CRNN: variants seen among roughly 807,000 people sequenced by gnomAD.
CRNN encodes 53 kDa putative calcium-binding protein.
In CRNN, 39 loss-of-function variants were observed where a neutral mutation model predicts 44.7. The ratio of observed to expected loss-of-function variants is 0.87; its 90% CI spans 0.68 to 1.14. The LOEUF (loss-of-function observed/expected upper bound fraction) is 1.14, where lower values mean the gene tolerates loss of function less well. Ranked by LOEUF, CRNN falls within the 50% of genes most tolerant of loss-of-function variation. CRNN has a pLI of 0.00. For missense variants in CRNN, 606 were observed against 605.1 expected (o/e 1.00, Z -0.02); for synonymous variants, 240 against 231.8 (o/e 1.04, Z -0.32).
rs147531789 is a variant in CRNN, at chr1:152,410,372, C to G, written c.710G>C (p.Gly237Ala). 3.1e-6 allele frequency: 5 copies of G among 1,613,952 alleles called. No individual in the cohort carries two copies. Among genetic ancestry groups the G allele is most frequent in the Non-Finnish European group, 4.2e-6 (5 of 1,180,016 alleles). The part of the protein sequence containing the change: ...VTGSGTQTQA[G>A]ATQTVEQDSS... Reference sequence around the variant, plus strand: ...GTCCTGCTCCACAGTCTGGGTGGCACCTGCCTGGGTCTGAGTTCCAGATCC... The same window carrying G: ...GTCCTGCTCCACAGTCTGGGTGGCAGCTGCCTGGGTCTGAGTTCCAGATCC... The change falls in exon 3 of 3, where the codon GGT (glycine) becomes GCT (alanine). Residue 237 changes from glycine (G) to alanine (A), a missense_variant. Gly to Ala is a moderately conservative substitution (Grantham distance 60, BLOSUM62 0). Coordinates refer to ENST00000271835, the MANE Select transcript of CRNN (RefSeq NM_016190.3).
chr1:152,412,750 T>C (rs570113471), intron 1 of CRNN, among the ~76,000 whole-genome samples: 1 of 152,278 alleles, frequency 6.6e-6, no homozygotes, highest in East Asian at 1.9e-4. Flanking sequence ...TTTTTATAGG[T>C]GAGGAAACAG....
At chr1:152,411,569 T>G (rs1191049746) in intron 2 of CRNN, among the ~76,000 whole-genome samples, 1 of 152,034 alleles carries the variant, frequency 6.6e-6, no homozygotes, top group Non-Finnish European at 1.5e-5. Flanking sequence ...GTTTGCCAGG[T>G]GGGGTGGGGT....
At position 152,410,934 on chromosome 1, in the gene CRNN, C is replaced by G. The variant is rs187547075; in HGVS notation, c.148G>C (p.Asp50His). The change falls in exon 3 of 3, where the codon GAT becomes CAT. Residue 50 changes from aspartate to histidine, a missense_variant. Coordinates refer to ENST00000271835, the MANE Select transcript of CRNN (RefSeq NM_016190.3). ...EFADVIVKPHDPATVDEVLRL... is the reference protein window; with the variant it reads ...EFADVIVKPHHPATVDEVLRL... Reference sequence around the variant, plus strand: ...AGGACCTCATCCACAGTTGCTGGATCGTGGGGTTTCTGAGGAGAAGATGAG... The same window carrying G: ...AGGACCTCATCCACAGTTGCTGGATGGTGGGGTTTCTGAGGAGAAGATGAG... 13 of 1,605,906 alleles carry G rather than the reference C, an allele frequency of 8.1e-6. No individual in the cohort carries two copies. In the East Asian group the frequency reaches 1.6e-4, roughly 19 times the overall value.
chr1:152,412,216 T>C lies in CRNN; in HGVS notation c.18A>G (p.Gln6=). MPQLL[Q]NINGIIEAFR... The stretch of plus-strand genomic sequence containing the variant: ...AGGCCTCGATGATCCCATTAATGTT[T>C]TGCAGTAACTGAGGCATCTTTGAAG... Residue 6 remains glutamine (Q), a synonymous_variant, in exon 2 of 3, where the codon CAA becomes CAG. Transcript: ENST00000271835. 1 of 1,610,246 alleles carries C rather than the reference T, an allele frequency of 6.2e-7. No homozygotes were observed. Among genetic ancestry groups the C allele is most frequent in the Non-Finnish European group, 8.5e-7 (1 of 1,176,818 alleles).
chr1:152,411,830 G>A (rs1655775657), intron 2 of CRNN, among the ~76,000 whole-genome samples: 1 of 152,158 alleles, frequency 6.6e-6, no homozygotes. Context: ...GCTCCTGTCT[G>A]AGTTGTCCTT....
chr1:152,409,452 A>C lies in CRNN; in HGVS notation c.*142T>G. The C allele has an allele frequency of 7.1e-7, 1 of 1,414,660 alleles. No individual in the cohort carries two copies. The highest frequency in any genetic ancestry group is 2.7e-5 in the Admixed American group (1 of 36,696). 87.6% of individuals were successfully genotyped at this position (1,414,660 alleles called of 1,614,324 possible). On this transcript the variant is annotated 3_prime_UTR_variant, in exon 3 of 3. Transcript: ENST00000271835. ...GGATAGAAAGCTCCTTGCAGAAATTATCTCATTGAGAAAGACCTAAAAGGG... is the reference window on the plus strand; with the variant it reads ...GGATAGAAAGCTCCTTGCAGAAATTCTCTCATTGAGAAAGACCTAAAAGGG...
intron 2 of CRNN, 112 bp from the exon 3 acceptor site, chr1:152,411,055 T>C: frequency 3.4e-6 from 5 of 1,454,436 alleles, no homozygotes; most frequent in Non-Finnish European, 4.5e-6. Flanking sequence ...TACACACACA[T>C]ACGGCTAGAG....
intron 2 of CRNN, 29 bp downstream of exon 2, chr1:152,412,067 C>G (rs774747893): frequency 6.3e-7 from 1 of 1,577,314 alleles, no homozygotes; most frequent in Admixed American, 1.7e-5. Flanking sequence ...CTGCTATGTC[C>G]CCTCTCCACC....
In CRNN at chr1:152,409,601, T is replaced by C. The variant is rs752173632; in HGVS notation, c.1481A>G (p.Lys494Arg). Reference protein sequence around the residue: ...RELYSYLRSTKP With the variant: ...RELYSYLRSTRP ...ACATTGGAGTCGGGGAAGTCATGGC[T>C]TGGTGCTTCTCAAGTAGGAATACAG... Residue 494 changes from lysine (K) to arginine (R), a missense_variant, in exon 3 of 3, where the codon AAG becomes AGG. Transcript: ENST00000271835. 1.2e-6 allele frequency: 2 copies of C among 1,608,774 alleles called. No homozygotes were observed. Among genetic ancestry groups the C allele is most frequent in the South Asian group, 2.2e-5 (2 of 89,744 alleles).
At position 152,409,982 on chromosome 1, in the gene CRNN, C is replaced by T. The variant is rs1329154627; in HGVS notation, c.1100G>A (p.Ser367Asn). 2 of 1,614,042 alleles carry T rather than the reference C, an allele frequency of 1.2e-6. No homozygotes were observed. Among genetic ancestry groups the T allele is most frequent in the Non-Finnish European group, 8.5e-7 (1 of 1,180,044 alleles). ...TCCCTGTTCTCTAGCCCCTCCGTGGCTTACAGTTTGGCTTCTGTCCTGCTC... is the reference window on the plus strand; with the variant it reads ...TCCCTGTTCTCTAGCCCCTCCGTGGTTTACAGTTTGGCTTCTGTCCTGCTC... The part of the protein sequence containing the change: ...TVEQDRSQTV[S>N]HGGAREQGQT... Residue 367 changes from serine (S) to asparagine (N), a missense_variant, in exon 3 of 3, where the codon AGC becomes AAC. Physicochemically the swap from Ser to Asn is conservative, Grantham distance 46. Transcript: ENST00000271835.
chr1:152,411,599 C>T (rs1570966694), intron 2 of CRNN, among the ~76,000 whole-genome samples: 1 of 152,156 alleles, frequency 6.6e-6, no homozygotes, highest in African/African-American at 2.4e-5. Flanking sequence ...AAGTCTCCCC[C>T]TAGCTATTAA....
At position 152,412,213 on chromosome 1, in the gene CRNN, G is replaced by GT; in HGVS notation, c.20dup (p.Asn7LysfsTer3). 6.2e-7 allele frequency: 1 copy of GT among 1,610,668 alleles called. No homozygotes were observed. The highest frequency in any genetic ancestry group is 8.5e-7 in the Non-Finnish European group (1 of 1,177,164). The stretch of plus-strand genomic sequence containing the variant: ...TGAAGGCCTCGATGATCCCATTAAT[G>GT]TTTTGCAGTAACTGAGGCATCTTTG... On this transcript the variant is annotated frameshift_variant, in exon 2 of 3. Transcript: ENST00000271835. LOFTEE classifies it high-confidence loss of function.
In CRNN at chr1:152,409,532, C is replaced by A; in HGVS notation, c.*62G>T. On this transcript the variant is annotated 3_prime_UTR_variant, in exon 3 of 3. Coordinates refer to ENST00000271835, the MANE Select transcript of CRNN (RefSeq NM_016190.3). ...GGATGCACCCACTGGATTGGCCATG[C>A]AGGACAAGCCAAACTCTCTCCAGCT... 1 of 1,553,448 alleles carries A rather than the reference C, an allele frequency of 6.4e-7. No individual in the cohort carries two copies. Among genetic ancestry groups the A allele is most frequent in the South Asian group, 1.3e-5 (1 of 79,684 alleles).
chr1:152,412,137 G>A lies in CRNN; in HGVS notation c.97C>T (p.Leu33=). ...GNCTALTRGE[L]KRLLEQEFAD... ...AACTCTTGCTCCAAGAGTCTTTTCA[G>A]CTCCCCTCGGGTGAGCGCTGTGCAG... The change falls in exon 2 of 3, where the codon CTG becomes TTG. Residue 33 remains leucine, a synonymous_variant. Coordinates refer to ENST00000271835, the MANE Select transcript of CRNN (RefSeq NM_016190.3). 1.2e-6 allele frequency: 2 copies of A among 1,612,116 alleles called. No individual in the cohort carries two copies. The highest frequency in any genetic ancestry group is 1.1e-5 in the South Asian group (1 of 90,896).
In CRNN at chr1:152,409,636, TG is replaced by T; in HGVS notation, c.1445del (p.Thr482LysfsTer9). ...TCAAGTAGGAATACAGCTCTCTAGC[TG>T]TGATGCCTCGCTTCTCTTCTGACTG... is the stretch of plus-strand genomic sequence containing the variant. ...AAQSEEKRGITARELYSYLRS... is the reference protein window; with the variant it reads ...AAQSEEKRGIXARELYSYLRS... On this transcript the variant is annotated frameshift_variant, in exon 3 of 3. Transcript: ENST00000271835. LOFTEE classifies it high-confidence loss of function. 6.2e-7 allele frequency: 1 copy of T among 1,614,006 alleles called. No homozygotes were observed. The highest frequency in any genetic ancestry group is 8.5e-7 in the Non-Finnish European group (1 of 1,179,942).
At position 152,412,147 on chromosome 1, in the gene CRNN, G is replaced by A; in HGVS notation, c.87C>T (p.Thr29=). ...CCAAGAGTCTTTTCAGCTCCCCTCG[G>A]GTGAGCGCTGTGCAGTTGCCCTCCG... ...ARTEGNCTAL[T]RGELKRLLEQ... is the part of the protein sequence containing the mutation. Residue 29 remains threonine (T), a synonymous_variant, in exon 2 of 3, where the codon ACC becomes ACT. Transcript: ENST00000271835. 1.9e-6 allele frequency: 3 copies of A among 1,613,520 alleles called. No individual in the cohort carries two copies. Among genetic ancestry groups the A allele is most frequent in the Non-Finnish European group, 2.5e-6 (3 of 1,179,590 alleles).
chr1:152,411,426 C>T (rs769605395), intron 2 of CRNN, among the ~76,000 whole-genome samples: 14 of 152,186 alleles, frequency 9.2e-5, no homozygotes, highest in South Asian at 4.1e-4. Flanking sequence ...CAGTGGGCCC[C>T]TGCAGCGCTG....
In CRNN at chr1:152,410,821, C is replaced by G; in HGVS notation, c.261G>C (p.Lys87Asn). Reference sequence around the variant, plus strand: ...CTCCCTCAGCACTCTCGCTCAGTGTCTTGAAACAGGCCTGGGCAACTTTAA... The same window carrying G: ...CTCCCTCAGCACTCTCGCTCAGTGTGTTGAAACAGGCCTGGGCAACTTTAA... The part of the protein sequence containing the change: ...LVFKVAQACF[K>N]TLSESAEGAC... The change falls in exon 3 of 3, where the codon AAG (lysine) becomes AAC (asparagine). Residue 87 changes from lysine to asparagine, a missense_variant. Coordinates refer to ENST00000271835, the MANE Select transcript of CRNN (RefSeq NM_016190.3). 1.9e-6 allele frequency: 3 copies of G among 1,614,236 alleles called. No homozygotes were observed. The highest frequency in any genetic ancestry group is 2.5e-6 in the Non-Finnish European group (3 of 1,180,042).
At position 152,412,078 on chromosome 1, in the gene CRNN, C is replaced by G; in HGVS notation, c.138+18G>C. ...TCTCCTGCTATGTCCCCTCTCCACC[C>G]GGCTCAGCACACCGTACCACAATCA... On this transcript the variant is annotated intron_variant, in intron 2 of 2. Coordinates refer to ENST00000271835, the MANE Select transcript of CRNN (RefSeq NM_016190.3). The G allele has an allele frequency of 6.3e-7, 1 of 1,585,874 alleles. No homozygotes were observed. Among genetic ancestry groups the G allele is most frequent in the Non-Finnish European group, 8.6e-7 (1 of 1,159,618 alleles).
Sources: gnomAD v4.1 joint callset for allele counts (sites outside exome capture counted in the v4.1 genomes callset) on GRCh38, gnomAD v4.1.1 for gene constraint, MANE v1.5 for transcripts, NCBI Gene and HGNC (gene_info 2026-07-23, HGNC 2026-07-21) for gene names.